Variants in PKHD1 observed in about 807,000 individuals in gnomAD.
PKHD1 encodes fibrocystin.
In PKHD1, 291 loss-of-function variants were observed where a neutral mutation model predicts 412.0. That is an observed-to-expected ratio of 0.71 (90% CI 0.64 to 0.78). PKHD1 has a LOEUF of 0.78. PKHD1 is among the 30% of genes least tolerant of loss of function. The pLI is 0.00. For synonymous variants in PKHD1, 1,777 were observed against 1,821.5 expected (o/e 0.98, Z 0.62); for missense variants, 4,825 against 4,950.7 (o/e 0.97, Z 0.76).
chr6:52,063,835 C>T (rs973426376), intron 13 of PKHD1, among the ~76,000 whole-genome samples: 2 of 152,240 alleles, frequency 1.3e-5, no homozygotes, highest in Non-Finnish European at 2.9e-5. Flanking sequence ...CGCCCAGCTT[C>T]TGTGGAAGAA....
chr6:51,951,032 T>G (rs1351363519), intron 36 of PKHD1, among the ~76,000 whole-genome samples: 2 of 152,212 alleles, frequency 1.3e-5, no homozygotes, highest in Non-Finnish European at 2.9e-5. Context: ...ACCTTATAAC[T>G]GTATTAACTC....
intron 37 of PKHD1, among the ~76,000 whole-genome samples, chr6:51,915,251 A>G (rs1481828981): frequency 6.6e-6 from 1 of 152,016 alleles, no homozygotes; most frequent in Non-Finnish European, 1.5e-5. Context: ...TCTCTCACCA[A>G]CTCACTCTGC....
At chr6:51,816,015 C>T (rs1319354256) in intron 52 of PKHD1, among the ~76,000 whole-genome samples, 7 of 152,012 alleles carry the variant, frequency 4.6e-5, no homozygotes, top group African/African-American at 1.7e-4. Flanking sequence ...AGTAAATAAA[C>T]AGTAATATGA....
chr6:51,810,638 C>T (rs927302604), intron 52 of PKHD1, among the ~76,000 whole-genome samples: 30 of 152,156 alleles, frequency 2.0e-4, no homozygotes, highest in South Asian at 6.2e-4. Context: ...CACCCTTAGC[C>T]ACCTAAAATA....
In PKHD1 at chr6:51,638,990, T is replaced by C. The variant is rs1346614268; in HGVS notation, c.11399-34A>G. On this transcript the variant is annotated intron_variant, in intron 63 of 66. Transcript: ENST00000371117. The stretch of plus-strand genomic sequence containing the variant: ...AAGTACAAAACAAAAATTAGCTGTT[T>C]ATTATCTAATCTCGAACAATGTCTT... 2.1e-6 allele frequency: 3 copies of C among 1,396,292 alleles called. No homozygotes were observed. In the South Asian group the frequency reaches 3.5e-5, roughly 16 times the overall value. 86.5% of individuals were successfully genotyped at this position (1,396,292 alleles called of 1,614,324 possible).
intron 33 of PKHD1, among the ~76,000 whole-genome samples, chr6:52,022,583 T>C (rs1162894076): frequency 6.6e-6 from 1 of 152,192 alleles, no homozygotes; most frequent in African/African-American, 2.4e-5. Flanking sequence ...TCATCTAACA[T>C]TGACATATTA....
chr6:51,889,765 G>A (rs921693099), intron 43 of PKHD1, among the ~76,000 whole-genome samples: 6 of 152,138 alleles, frequency 3.9e-5, no homozygotes, highest in Admixed American at 1.3e-4. Context: ...AGAGAGTAAC[G>A]CTAAGGGTTA....
chr6:51,631,292 G>T (rs1767893838), intron 65 of PKHD1, among the ~76,000 whole-genome samples: 1 of 152,172 alleles, frequency 6.6e-6, no homozygotes, highest in Admixed American at 6.5e-5. Context: ...GCAAATCACA[G>T]CAACATAAGG....
At chr6:51,778,824 C>T (rs1277665032) in intron 53 of PKHD1, among the ~76,000 whole-genome samples, 1 of 152,140 alleles carries the variant, frequency 6.6e-6, no homozygotes, top group Admixed American at 6.6e-5. Flanking sequence ...ACTCACCAGA[C>T]CTTGTACCAA....
At chr6:51,802,336 G>C in intron 52 of PKHD1, among the ~76,000 whole-genome samples, 1 of 151,676 alleles carries the variant, frequency 6.6e-6, no homozygotes, top group East Asian at 1.9e-4. Flanking sequence ...TTTTAGGTCT[G>C]ATGTTAAACT....
rs761313487 is a variant in PKHD1 at position 52,055,606 on chromosome 6, C to A, written c.1817G>T (p.Arg606Leu). The change falls in exon 19 of 67, where the codon CGG becomes CTG. Residue 606 changes from arginine (R) to leucine (L), a missense_variant. By Grantham distance (102) the Arg-to-Leu change is moderately radical (BLOSUM62 -2). Coordinates refer to ENST00000371117, the MANE Select transcript of PKHD1 (RefSeq NM_138694.4). ...LTPPAAQKGYRLDQYTHLCLA... is the reference protein window; with the variant it reads ...LTPPAAQKGYLLDQYTHLCLA... Reference sequence around the variant, plus strand: ...ACTCACGTGTGTATACTGATCTAGCCGATAGCCCTTCTGGGCAGCCGGGGG... The same window carrying A: ...ACTCACGTGTGTATACTGATCTAGCAGATAGCCCTTCTGGGCAGCCGGGGG... The A allele has an allele frequency of 1.9e-6, 3 of 1,613,872 alleles. No homozygotes were observed. Among genetic ancestry groups the A allele is most frequent in the African/African-American group, 2.7e-5 (2 of 74,892 alleles).
At position 52,035,634 on chromosome 6, in the gene PKHD1, G is replaced by C. The variant is rs755380983; in HGVS notation, c.3185C>G (p.Ala1062Gly). ...CTGAATTCTGCTTGAATTGCTTGTA[G>C]CGACATTGATGGCACACGAGTAAGA... is the stretch of plus-strand genomic sequence containing the variant. ...FGSYSCAINVATSNSSRIQCK... is the reference protein window; with the variant it reads ...FGSYSCAINVGTSNSSRIQCK... Residue 1062 changes from alanine (A) to glycine (G), a missense_variant, in exon 28 of 67, where the codon GCT (alanine) becomes GGT (glycine). Coordinates refer to ENST00000371117, the MANE Select transcript of PKHD1 (RefSeq NM_138694.4). 5.0e-6 allele frequency: 8 copies of C among 1,613,904 alleles called. No individual in the cohort carries two copies. In the South Asian group the frequency reaches 8.8e-5, roughly 18 times the overall value.
chr6:52,058,303 G>A lies in PKHD1; in HGVS notation c.1512+20C>T. ...TTCCTTCCAGAGTTCAGCTCCATGGGACTGGAAAGAGACACAGACCTGTAC... is the reference window on the plus strand; with the variant it reads ...TTCCTTCCAGAGTTCAGCTCCATGGAACTGGAAAGAGACACAGACCTGTAC... On this transcript the variant is annotated intron_variant, in intron 16 of 66. Transcript: ENST00000371117. 1.2e-6 allele frequency: 2 copies of A among 1,613,158 alleles called. No homozygotes were observed. The highest frequency in any genetic ancestry group is 1.7e-6 in the Non-Finnish European group (2 of 1,179,444).
intron 1 of PKHD1, among the ~76,000 whole-genome samples, chr6:52,085,524 GATCCT>G (rs1182821080): frequency 6.4e-4 from 97 of 152,242 alleles, no homozygotes; most frequent in African/African-American, 2.3e-3. Flanking sequence ...GGCCTCAGGA[GATCCT>G]GGCGCACCTT....
chr6:51,940,054 A>C (rs538338649), intron 36 of PKHD1, among the ~76,000 whole-genome samples: 2 of 151,766 alleles, frequency 1.3e-5, no homozygotes, highest in South Asian at 4.1e-4. Flanking sequence ...AAAATCAGTT[A>C]GCATTTAGGC....
intron 53 of PKHD1, among the ~76,000 whole-genome samples, chr6:51,788,089 T>C (rs185051301): frequency 5.9e-5 from 9 of 152,184 alleles, no homozygotes; most frequent in Non-Finnish European, 1.2e-4. Context: ...AGGTAAAAAG[T>C]ATTGCCCTTA....
chr6:51,670,297 T>C (rs1414549050), intron 60 of PKHD1, among the ~76,000 whole-genome samples: 1 of 152,224 alleles, frequency 6.6e-6, no homozygotes, highest in South Asian at 2.1e-4. Flanking sequence ...TTTACCATTA[T>C]GTAATGGCCT....
Position 52,024,889 on chromosome 6 carries a change from C to G in PKHD1, c.4921G>C (p.Asp1641His). Residue 1641 changes from aspartate to histidine, a missense_variant, in exon 32 of 67, where the codon GAT (aspartate) becomes CAT (histidine). By Grantham distance (81) the Asp-to-His change is moderately conservative (BLOSUM62 -1). Coordinates refer to ENST00000371117, the MANE Select transcript of PKHD1 (RefSeq NM_138694.4). ...ACTCCTATGTGATACCAAAGTCCATCTACCTCTATTTCCAGGGCAACAGAG... is the reference window on the plus strand; with the variant it reads ...ACTCCTATGTGATACCAAAGTCCATGTACCTCTATTTCCAGGGCAACAGAG... ...NGSVALEIEVDGLWYHIGVIG... is the reference protein window; with the variant it reads ...NGSVALEIEVHGLWYHIGVIG... 1 of 1,614,184 alleles carries G rather than the reference C, an allele frequency of 6.2e-7. No homozygotes were observed. The highest frequency in any genetic ancestry group is 8.5e-7 in the Non-Finnish European group (1 of 1,180,022).
At chr6:51,958,233 AAAG>A (rs145610542) in intron 36 of PKHD1, among the ~76,000 whole-genome samples, 2,576 of 152,166 alleles carry the variant, frequency 0.017, 81 homozygotes, top group African/African-American at 0.058. Context: ...TCCCCAAGAG[AAAG>A]AAGAGACCCT....
Sources: gnomAD v4.1 joint callset for allele counts (sites outside exome capture counted in the v4.1 genomes callset) on GRCh38, gnomAD v4.1.1 for gene constraint, MANE v1.5 for transcripts, NCBI Gene and HGNC (gene_info 2026-07-23, HGNC 2026-07-21) for gene names.